Variants in ALS2CL observed in about 807,000 individuals in gnomAD.
The protein encoded by ALS2CL is ALS2 C-terminal-like protein.
A neutral mutation model predicts 127.9 loss-of-function variants in ALS2CL; 112 were observed. That is an observed-to-expected ratio of 0.88 (90% CI 0.75 to 1.02). The LOEUF (loss-of-function observed/expected upper bound fraction) is 1.02. Ranked by LOEUF, ALS2CL falls within the 50% of genes least tolerant of loss-of-function variation. The pLI, the probability that ALS2CL is intolerant of heterozygous loss-of-function variation, is 0.00. For synonymous variants in ALS2CL, 519 were observed against 527.6 expected (o/e 0.98, Z 0.22); for missense variants, 1,174 against 1,236.7 (o/e 0.95, Z 0.76).
At chr3:46,688,511 G>A (rs1202081654) in intron 2 of ALS2CL, among the ~76,000 whole-genome samples, 5 of 152,266 alleles carry the variant, frequency 3.3e-5, no homozygotes, top group South Asian at 4.1e-4. Context: ...CAGTATCCTC[G>A]AGGAGGAAAC....
At position 46,676,497 on chromosome 3, in the gene ALS2CL, A is replaced by G. The variant is rs1210410822; in HGVS notation, c.2029-95T>C. ...CCTCCCAACACTTCTCCCATCTCAT[A>G]CACGAGAACACTGAGGTCCTCTGAG... On this transcript the variant is annotated intron_variant, in intron 18 of 25. Coordinates refer to ENST00000318962, the MANE Select transcript of ALS2CL (RefSeq NM_147129.5). The G allele has an allele frequency of 2.6e-6, 4 of 1,566,974 alleles. No individual in the cohort carries two copies. In the Admixed American group the frequency reaches 6.8e-5, roughly 27 times the overall value.
chr3:46,676,185 C>G, intron 19 of ALS2CL, 60 bp downstream of exon 19: 1 of 1,574,998 alleles, frequency 6.3e-7, no homozygotes, highest in Admixed American at 1.9e-5. Context: ...AGAACTGATG[C>G]CTGGAAAGGG....
rs1396953007 is a variant in ALS2CL, at chr3:46,684,185, C to T, written c.787-138G>A. 5.7e-5 allele frequency: 58 copies of T among 1,018,596 alleles called. No homozygotes were observed. The Admixed American group carries it at 1.2e-3, about 21-fold the overall frequency. The allele number at this position is 1,018,596 out of a possible 1,614,324, so 63.1% of individuals were successfully genotyped here. ...CCAGCATGTCCAGGACTGAGTCCCT[C>T]TCCCCTCTGGCTTGCTCCCCACCTC... On this transcript the variant is annotated intron_variant, in intron 7 of 25. Coordinates refer to ENST00000318962, the MANE Select transcript of ALS2CL (RefSeq NM_147129.5).
rs1191627969 is a variant in ALS2CL at position 46,686,501 on chromosome 3, C to T, written c.535-62G>A. ...TACTGGAATCTTCCCTAGCCCAGTC[C>T]TGGTCCCGGCTGGTGGGGAGGCCTG... On this transcript the variant is annotated intron_variant, in intron 5 of 25. Coordinates refer to ENST00000318962, the MANE Select transcript of ALS2CL (RefSeq NM_147129.5). This position sits in a 1 kb window ranked among gnomAD's most constrained non-coding sequence, Gnocchi z 4.3. 5.6e-5 allele frequency: 87 copies of T among 1,553,374 alleles called. No individual in the cohort carries two copies. The highest frequency in any genetic ancestry group is 7.1e-5 in the Non-Finnish European group (82 of 1,147,924).
rs1698341757 is a variant in ALS2CL at position 46,671,051 on chromosome 3, T to C, written c.2795A>G (p.His932Arg). 1.2e-6 allele frequency: 2 copies of C among 1,614,052 alleles called. No homozygotes were observed. The highest frequency in any genetic ancestry group is 1.3e-5 in the African/African-American group (1 of 74,924). Residue 932 changes from histidine to arginine, a missense_variant, in exon 26 of 26, where the codon CAC becomes CGC. Coordinates refer to ENST00000318962, the MANE Select transcript of ALS2CL (RefSeq NM_147129.5). ...LLTALESCYE[H>R]IQKEDMRLHR... Reference sequence around the variant, plus strand: ...CAGCCTCATGTCTTCTTTCTGGATGTGCTCGTAACAGGACTGGAGGGAGAG... The same window carrying C: ...CAGCCTCATGTCTTCTTTCTGGATGCGCTCGTAACAGGACTGGAGGGAGAG...
chr3:46,680,492 C>G lies in ALS2CL; in HGVS notation c.1486G>C (p.Gly496Arg), dbSNP rs749373670. The G allele has an allele frequency of 1.9e-6, 3 of 1,613,356 alleles. No individual in the cohort carries two copies. The highest frequency in any genetic ancestry group is 2.2e-5 in the East Asian group (1 of 44,888). The part of the protein sequence containing the change: ...MWQAGQRHGP[G>R]VMVTQAGVCY... ...ACACCTGCCTGGGTGACCATGACCC[C>G]TGGGCCGTGGCGCTGACCAGCCTGC... The change falls in exon 14 of 26, where the codon GGG (glycine) becomes CGG (arginine). Residue 496 changes from glycine (G) to arginine (R), a missense_variant. By Grantham distance (125) the Gly-to-Arg change is moderately radical. Transcript: ENST00000318962.
In ALS2CL at chr3:46,675,694, T is replaced by G. The variant is rs1698761343; in HGVS notation, c.2187-8A>C. ...GCAACTCGCAGCAGACCCCTGTGAGTCAATGAGAGAGAAATGGTGTGGCTG... is the reference window on the plus strand; with the variant it reads ...GCAACTCGCAGCAGACCCCTGTGAGGCAATGAGAGAGAAATGGTGTGGCTG... On this transcript the variant is annotated splice_polypyrimidine_tract_variant and splice_region_variant and intron_variant, in intron 19 of 25. Transcript: ENST00000318962. 1.2e-6 allele frequency: 2 copies of G among 1,613,180 alleles called. No homozygotes were observed. Among genetic ancestry groups the G allele is most frequent in the Non-Finnish European group, 1.7e-6 (2 of 1,179,974 alleles).
intron 4 of ALS2CL, 76 bp downstream of exon 4, chr3:46,687,543 A>C: frequency 1.3e-6 from 2 of 1,510,528 alleles, no homozygotes; most frequent in Non-Finnish European, 1.8e-6. Context: ...TGCTCTGGGG[A>C]GGGGGCTTCC....
In ALS2CL at chr3:46,683,220, C is replaced by T; in HGVS notation, c.1019G>A (p.Cys340Tyr). 6.2e-7 allele frequency: 1 copy of T among 1,609,126 alleles called. No individual in the cohort carries two copies. The highest frequency in any genetic ancestry group is 8.5e-7 in the Non-Finnish European group (1 of 1,178,068). ...CTGGAAGGTATATTCTGCGCAGCGG[C>T]AGTCGGGAGGCTGGGAGGGCTCCAG... ...AGLEPSQPPD[C>Y]RCAEYTFQAE... Residue 340 changes from cysteine to tyrosine, a missense_variant, in exon 10 of 26, where the codon TGC (cysteine) becomes TAC (tyrosine). Physicochemically the swap from Cys to Tyr is radical, Grantham distance 194. Transcript: ENST00000318962.
chr3:46,685,490 G>A (rs750571675), intron 7 of ALS2CL, 35 bp downstream of exon 7: 2 of 1,608,550 alleles, frequency 1.2e-6, no homozygotes, highest in African/African-American at 2.7e-5. Flanking sequence ...GAACCCTACT[G>A]TGGCCTCAAG....
chr3:46,672,304 A>G lies in ALS2CL; in HGVS notation c.2473-103T>C. ...TGAGTCCCCCGCCACCCTTCCCTTC[A>G]CTGCCAGCTTTAGTGCAGCCCCACC... On this transcript the variant is annotated intron_variant, in intron 22 of 25. Coordinates refer to ENST00000318962, the MANE Select transcript of ALS2CL (RefSeq NM_147129.5). The G allele has an allele frequency of 6.4e-6, 9 of 1,415,228 alleles. No homozygotes were observed. In the South Asian group the frequency reaches 1.2e-4, roughly 18 times the overall value. 87.7% of individuals were successfully genotyped at this position (1,415,228 alleles called of 1,614,324 possible).
In ALS2CL at chr3:46,676,865, A is replaced by G. The variant is rs1361440637; in HGVS notation, c.1915T>C (p.Tyr639His). The G allele has an allele frequency of 6.2e-7, 1 of 1,609,276 alleles. No individual in the cohort carries two copies. Among genetic ancestry groups the G allele is most frequent in the Non-Finnish European group, 8.5e-7 (1 of 1,177,802 alleles). Residue 639 changes from tyrosine to histidine, a missense_variant, in exon 17 of 26, where the codon TAC becomes CAC. Coordinates refer to ENST00000318962, the MANE Select transcript of ALS2CL (RefSeq NM_147129.5). The stretch of plus-strand genomic sequence containing the variant: ...CGGCCTCACCTCTCGCAGGACAGGT[A>G]ATCCTGAGACCTACGCAGCTCCCTG... ...SSRELRRSQDYLSCERTHPED... is the reference protein window; with the variant it reads ...SSRELRRSQDHLSCERTHPED...
At chr3:46,676,528 G>C in intron 18 of ALS2CL, 114 bp downstream of exon 18, 2 of 1,532,182 alleles carry the variant, frequency 1.3e-6, no homozygotes, top group East Asian at 4.6e-5. Flanking sequence ...CTGAGGACAA[G>C]GGATCCACAG....
intron 3 of ALS2CL, 88 bp from the exon 4 acceptor site, chr3:46,687,772 A>C: frequency 1.4e-6 from 2 of 1,386,486 alleles, no homozygotes; most frequent in Non-Finnish European, 2.0e-6. Context: ...GATCCCACCC[A>C]CTAGTCAGCT....
rs771653705 is a variant in ALS2CL at position 46,689,347 on chromosome 3, G to A, written c.94C>T (p.Leu32Phe). 4 of 1,612,902 alleles carry A rather than the reference G, an allele frequency of 2.5e-6. No individual in the cohort carries two copies. Among genetic ancestry groups the A allele is most frequent in the Non-Finnish European group, 3.4e-6 (4 of 1,179,890 alleles). Residue 32 changes from leucine (L) to phenylalanine (F), a missense_variant, in exon 2 of 26, where the codon CTC (leucine) becomes TTC (phenylalanine). By Grantham distance (22) the Leu-to-Phe change is conservative (BLOSUM62 0). Coordinates refer to ENST00000318962, the MANE Select transcript of ALS2CL (RefSeq NM_147129.5). ...GAAAGCCTAGACTCACCGGCTGGGA[G>A]CAGGGGCTGGAGGACAAGGCTGTTG... is the stretch of plus-strand genomic sequence containing the variant. ...HVNSLVLQPL[L>F]PAAPDPSDPW...
Position 46,670,545 on chromosome 3 carries a change from A to AAAG in ALS2CL, c.*438_*439insCTT, listed in dbSNP as rs1403789701. The AAAG allele has an allele frequency of 1.7e-5, 3 of 179,562 alleles. No individual in the cohort carries two copies. Among genetic ancestry groups the AAAG allele is most frequent in the African/African-American group, 7.0e-5 (3 of 42,922 alleles). 11.1% of individuals were successfully genotyped at this position (179,562 alleles called of 1,614,324 possible). ...GGCTTCGAGCCTGCCAGAGGTCAAT[A>AAAG]CAGCCCAGCAGACTAAAGTCAGTTT... is the stretch of plus-strand genomic sequence containing the variant. On this transcript the variant is annotated 3_prime_UTR_variant, in exon 26 of 26. Transcript: ENST00000318962. The surrounding 1 kb of genome is among the most constrained non-coding windows in gnomAD (Gnocchi z 5.5).
chr3:46,676,913 G>A lies in ALS2CL; in HGVS notation c.1867C>T (p.Leu623=). The part of the protein sequence containing the change: ...GCPRDLQEAL[L]GFDVQSSREL... Reference sequence around the variant, plus strand: ...CTGGAGCTCTGCACGTCGAAGCCCAGCAGGGCCTCCTGCAGGTCCCTGGGG... The same window carrying A: ...CTGGAGCTCTGCACGTCGAAGCCCAACAGGGCCTCCTGCAGGTCCCTGGGG... Residue 623 remains leucine, a synonymous_variant, in exon 17 of 26, where the codon CTG becomes TTG. Transcript: ENST00000318962. The A allele has an allele frequency of 3.7e-6, 6 of 1,613,514 alleles. No homozygotes were observed. Among genetic ancestry groups the A allele is most frequent in the Non-Finnish European group, 5.1e-6 (6 of 1,179,910 alleles).
chr3:46,673,170 C>T (rs1698542843), intron 22 of ALS2CL, among the ~76,000 whole-genome samples, 169 bp downstream of exon 22: 1 of 152,182 alleles, frequency 6.6e-6, no homozygotes, highest in Non-Finnish European at 1.5e-5. Flanking sequence ...AGGCCAACAG[C>T]TTACCTCCAC....
In ALS2CL at chr3:46,686,056, C is replaced by G. The variant is rs550522901; in HGVS notation, c.666+252G>C. 6.6e-6 allele frequency among the ~76,000 whole-genome samples: 1 copy of G among 152,318 alleles called. No homozygotes were observed. The highest frequency in any genetic ancestry group is 1.9e-4 in the East Asian group (1 of 5,176). On this transcript the variant is annotated intron_variant, in intron 6 of 25. Transcript: ENST00000318962. This position sits in a 1 kb window ranked among gnomAD's most constrained non-coding sequence, Gnocchi z 4.3. ...CGCAAGGGTGTGATCGGTGATATCC[C>G]CAGGGGAGAGGACTGGTTCTGCTGA...
Sources: gnomAD v4.1 joint callset for allele counts (sites outside exome capture counted in the v4.1 genomes callset) on GRCh38, gnomAD v4.1.1 for gene constraint, Gnocchi (gnomAD v3.1) non-coding constraint, MANE v1.5 for transcripts, NCBI Gene and HGNC (gene_info 2026-07-23, HGNC 2026-07-21) for gene names.